Variants in RAB38 observed in about 807,000 individuals in gnomAD.
RAB38 encodes ras-related protein Rab-38.
In RAB38, 15 loss-of-function variants were observed where a neutral mutation model predicts 18.4. The observed-to-expected ratio is 0.82, with a 90% CI of 0.55 to 1.26. The LOEUF (loss-of-function observed/expected upper bound fraction) is 1.26. RAB38 is among the 50% of genes most tolerant of loss of function. The probability of loss-of-function intolerance (pLI) is 0.00; values close to 1 mark genes in which losing one functional copy is unlikely to be tolerated. For missense variants in RAB38, 294 were observed against 267.4 expected (o/e 1.10, Z -0.69); for synonymous variants, 101 against 104.4 (o/e 0.97, Z 0.20).
chr11:87,878,265 T>A, the RAB38 span, among the ~76,000 whole-genome samples: 1 of 120,984 alleles, frequency 8.3e-6, no homozygotes, highest in East Asian at 2.1e-4. Flanking sequence ...TATCTATCTA[T>A]CTATCTATCT....
At chr11:87,977,353 T>C in the RAB38 span, among the ~76,000 whole-genome samples, 9 of 118,258 alleles carry the variant, frequency 7.6e-5, 1 homozygote, top group Non-Finnish European at 4.9e-5. Context: ...TTATATATTA[T>C]ATAAGTATAT....
In RAB38 at chr11:88,129,533, C is replaced by T. The variant is rs191063216; in HGVS notation, c.484-15393G>A. On this transcript the variant is annotated intron_variant, in intron 2 of 2. Transcript: ENST00000243662. ...GCATGTGCGTGTAAACTCAGCTATT[C>T]GGGAGGCTGAGGCACAAGAATTGCT... is the stretch of plus-strand genomic sequence containing the variant. Among the ~76,000 whole-genome samples, 193 of 152,084 alleles carry T rather than the reference C, an allele frequency of 1.3e-3. 1 individual carries two copies. Among genetic ancestry groups the T allele is most frequent in the African/African-American group, 4.5e-3 (185 of 41,498 alleles).
chr11:87,867,466 A>G, the RAB38 span, among the ~76,000 whole-genome samples: 1 of 151,722 alleles, frequency 6.6e-6, no homozygotes, highest in African/African-American at 2.4e-5. Context: ...CTAAAAACCA[A>G]ATCTACTTTA....
the RAB38 span, among the ~76,000 whole-genome samples, chr11:87,965,567 C>G: frequency 6.6e-6 from 1 of 152,110 alleles, no homozygotes; most frequent in Non-Finnish European, 1.5e-5. Context: ...GGGTCAGGCT[C>G]TATTCCTGTG....
At chr11:87,806,332 G>C in the RAB38 span, among the ~76,000 whole-genome samples, 1 of 152,114 alleles carries the variant, frequency 6.6e-6, no homozygotes, top group East Asian at 1.9e-4. Context: ...TCAGTGTCTG[G>C]TGAGGGTCTG....
chr11:88,095,697 TATATC>T, the RAB38 span, among the ~76,000 whole-genome samples: 1 of 152,066 alleles, frequency 6.6e-6, no homozygotes, highest in East Asian at 1.9e-4. Context: ...TCTAGTATTA[TATATC>T]ATATGTCCAA....
chr11:87,852,830 T>C, the RAB38 span, among the ~76,000 whole-genome samples: 1 of 152,152 alleles, frequency 6.6e-6, no homozygotes. Context: ...TTTTCTCACC[T>C]CTTTTCAAAT....
chr11:88,085,098 TG>T, the RAB38 span, among the ~76,000 whole-genome samples: 6 of 151,846 alleles, frequency 4.0e-5, no homozygotes, highest in Non-Finnish European at 7.4e-5. Flanking sequence ...TAGGGATTAA[TG>T]GTTACTAGAA....
Position 88,113,901 on chromosome 11 carries a change from C to A in RAB38, c.*87G>T. On this transcript the variant is annotated 3_prime_UTR_variant, in exon 3 of 3. Coordinates refer to ENST00000243662, the MANE Select transcript of RAB38 (RefSeq NM_022337.3). ...GGCTTGCCACATGTGGTATCTCTAT[C>A]CTGACGTTTACCCAAAATGGTAAAA... 6.6e-7 allele frequency: 1 copy of A among 1,518,216 alleles called. No homozygotes were observed. The highest frequency in any genetic ancestry group is 9.1e-7 in the Non-Finnish European group (1 of 1,099,790). The allele number at this position is 1,518,216 out of a possible 1,614,324, so 94.0% of individuals were successfully genotyped here.
chr11:88,062,729 T>A, the RAB38 span, among the ~76,000 whole-genome samples: 2,525 of 152,272 alleles, frequency 0.017, 58 homozygotes, highest in African/African-American at 0.056. Flanking sequence ...CTAGTCCAGG[T>A]TTCCCACAAA....
At chr11:87,809,008 T>G in the RAB38 span, among the ~76,000 whole-genome samples, 9 of 152,148 alleles carry the variant, frequency 5.9e-5, no homozygotes, top group African/African-American at 1.9e-4. Context: ...GAATTGGAAT[T>G]GCCAAAAGTC....
the RAB38 span, among the ~76,000 whole-genome samples, chr11:87,928,684 T>G: frequency 1.3e-5 from 2 of 152,038 alleles, no homozygotes; most frequent in African/African-American, 4.8e-5. Context: ...TTAGATGAAT[T>G]TGCTTTCAAA....
At chr11:87,927,689 T>C in the RAB38 span, among the ~76,000 whole-genome samples, 1 of 152,022 alleles carries the variant, frequency 6.6e-6, no homozygotes, top group East Asian at 1.9e-4. Context: ...TCAAATCCCT[T>C]TCTGCCTCTC....
chr11:87,867,615 A>G, the RAB38 span, among the ~76,000 whole-genome samples: 1 of 151,764 alleles, frequency 6.6e-6, no homozygotes, highest in African/African-American at 2.4e-5. Flanking sequence ...AACAATTGGG[A>G]GATTTGGTAA....
the RAB38 span, among the ~76,000 whole-genome samples, chr11:88,012,953 A>G: frequency 6.6e-6 from 1 of 152,198 alleles, no homozygotes; most frequent in South Asian, 2.1e-4. Flanking sequence ...GTATTGTGTT[A>G]CAAAGAGGGT....
chr11:87,895,392 G>C, the RAB38 span, among the ~76,000 whole-genome samples: 7 of 151,578 alleles, frequency 4.6e-5, no homozygotes, highest in Admixed American at 2.6e-4. Flanking sequence ...GAGGGAGGGC[G>C]ATTTGGCTCA....
the RAB38 span, among the ~76,000 whole-genome samples, chr11:88,097,471 A>T: frequency 6.6e-6 from 1 of 151,846 alleles, no homozygotes; most frequent in Non-Finnish European, 1.5e-5. Context: ...AGGAAAGAGT[A>T]ACCAAGAATA....
the RAB38 span, among the ~76,000 whole-genome samples, chr11:87,924,597 T>C: frequency 2.0e-5 from 3 of 151,974 alleles, no homozygotes; most frequent in African/African-American, 7.2e-5. Flanking sequence ...AGGCAACAGA[T>C]TTTGAAAGGT....
At chr11:88,047,321 C>G in the RAB38 span, among the ~76,000 whole-genome samples, 1 of 152,218 alleles carries the variant, frequency 6.6e-6, no homozygotes, top group African/African-American at 2.4e-5. Flanking sequence ...GACATTCCCT[C>G]CATATCCCCA....
Sources: allele counts gnomAD v4.1 joint callset (sites outside exome capture counted in the v4.1 genomes callset), GRCh38; gene constraint gnomAD v4.1.1; transcripts MANE v1.5; gene names NCBI Gene and HGNC (gene_info 2026-07-23, HGNC 2026-07-21).